PCDHGA1: variants seen among roughly 807,000 people sequenced by gnomAD.
PCDHGA1 encodes protocadherin gamma subfamily A, 1.
In PCDHGA1, 32 loss-of-function variants were observed where a neutral mutation model predicts 58.0. That is an observed-to-expected ratio of 0.55 (90% CI 0.42 to 0.74). The LOEUF is 0.74. Among genes scored for constraint, PCDHGA1 ranks in the 30% least tolerant of loss-of-function variants. PCDHGA1 has a pLI of 0.00. For missense variants in PCDHGA1, 1,205 were observed against 1,182.3 expected (o/e 1.02, Z -0.28); for synonymous variants, 498 against 501.1 (o/e 0.99, Z 0.08).
intron 1 of PCDHGA1, chr5:141,355,705 G>A (rs752821491): frequency 1.2e-6 from 2 of 1,613,940 alleles, no homozygotes; most frequent in Non-Finnish European, 1.7e-6. Flanking sequence ...CTCCCTGCAG[G>A]GTTACCAGCT....
intron 1 of PCDHGA1, among the ~76,000 whole-genome samples, chr5:141,494,568 C>T (rs2099755322): frequency 6.6e-6 from 1 of 152,138 alleles, no homozygotes; most frequent in African/African-American, 2.4e-5. Context: ...GGAAAGGAGT[C>T]TCAGCTTGCT....
intron 1 of PCDHGA1, chr5:141,365,501 C>T (rs1377875429): frequency 6.2e-7 from 1 of 1,613,806 alleles, no homozygotes; most frequent in African/African-American, 1.3e-5. Flanking sequence ...TAGGAATTTG[C>T]CTTTTAAATT....
chr5:141,410,909 A>G lies in PCDHGA1; in HGVS notation c.2421+77804A>G, dbSNP rs183334545. Reference sequence around the variant, plus strand: ...CGCACTGTTGCCTAGGCTGGAGTGCAGTGGCGTGATCTCTGCTCACTGCAA... The same window carrying G: ...CGCACTGTTGCCTAGGCTGGAGTGCGGTGGCGTGATCTCTGCTCACTGCAA... On this transcript the variant is annotated intron_variant, in intron 1 of 3. Coordinates refer to ENST00000517417, the MANE Select transcript of PCDHGA1 (RefSeq NM_018912.3). 188 of 259,978 alleles carry G rather than the reference A, an allele frequency of 7.2e-4. 1 individual carries two copies. Among genetic ancestry groups the G allele is most frequent in the African/African-American group, 5.3e-3 (172 of 32,394 alleles). The allele number at this position is 259,978 out of a possible 1,614,324, so 16.1% of individuals were successfully genotyped here.
chr5:141,459,757 G>A (rs1360124889), intron 1 of PCDHGA1, among the ~76,000 whole-genome samples: 3 of 152,162 alleles, frequency 2.0e-5, no homozygotes, highest in Admixed American at 2.0e-4. Context: ...ATTCTAGTGG[G>A]TGTGTGATAC....
At chr5:141,483,186 A>G (rs2099578047) in intron 1 of PCDHGA1, among the ~76,000 whole-genome samples, 1 of 152,174 alleles carries the variant, frequency 6.6e-6, no homozygotes, top group Non-Finnish European at 1.5e-5. Flanking sequence ...CAAGCCAAGG[A>G]GTTTTTATTT....
chr5:141,441,665 A>C (rs994092543), intron 1 of PCDHGA1: 10 of 265,838 alleles, frequency 3.8e-5, no homozygotes, highest in African/African-American at 2.1e-4. Context: ...CCTTGAGCGC[A>C]CAGTGCGCCT....
chr5:141,497,413 T>A (rs572922456), intron 2 of PCDHGA1, among the ~76,000 whole-genome samples: 1 of 151,928 alleles, frequency 6.6e-6, no homozygotes, highest in African/African-American at 2.4e-5. Context: ...TCCCATTCCA[T>A]CAAATGAGAG....
In PCDHGA1 at chr5:141,487,605, A is replaced by G. The variant is rs202066746; in HGVS notation, c.2422-7202A>G. Reference sequence around the variant, plus strand: ...AGCTGCCCACCCTCTGATCTTCTCTATGGGCTAGAGGTGAGACCTTTGCAG... The same window carrying G: ...AGCTGCCCACCCTCTGATCTTCTCTGTGGGCTAGAGGTGAGACCTTTGCAG... On this transcript the variant is annotated intron_variant, in intron 1 of 3. Transcript: ENST00000517417. The surrounding 1 kb of genome is among the most constrained non-coding windows in gnomAD (Gnocchi z 5.0). 8.7e-6 allele frequency: 14 copies of G among 1,614,008 alleles called. No individual in the cohort carries two copies. In the South Asian group the frequency reaches 8.8e-5, roughly 10 times the overall value.
intron 1 of PCDHGA1, chr5:141,388,885 A>G (rs1359019533): frequency 1.9e-6 from 3 of 1,614,002 alleles, no homozygotes; most frequent in East Asian, 2.2e-5. Context: ...GTGGAGGTAG[A>G]AGTCATAGAT....
intron 1 of PCDHGA1, chr5:141,340,320 C>T (rs1314328695): frequency 6.2e-7 from 1 of 1,614,014 alleles, no homozygotes; most frequent in Non-Finnish European, 8.5e-7. Context: ...GACAACGCAC[C>T]CGCCTTCTCC....
In PCDHGA1 at chr5:141,385,336, C is replaced by T. The variant is rs866774654; in HGVS notation, c.2421+52231C>T. 2.5e-6 allele frequency: 4 copies of T among 1,579,494 alleles called. No homozygotes were observed. In the African/African-American group the frequency reaches 5.4e-5, roughly 22 times the overall value. ...GCCAAGTATTCAGGTGAGCCCAGCC[C>T]TTCCTTTATTTCCATGAGGAATTTA... On this transcript the variant is annotated intron_variant, in intron 1 of 3. Coordinates refer to ENST00000517417, the MANE Select transcript of PCDHGA1 (RefSeq NM_018912.3).
chr5:141,345,604 AATT>A, intron 1 of PCDHGA1: 1 of 1,614,156 alleles, frequency 6.2e-7, no homozygotes, highest in Non-Finnish European at 8.5e-7. Context: ...GACTACGAGC[AATT>A]TAGAGACTTA....
At chr5:141,376,285 C>A in intron 1 of PCDHGA1, 2 of 1,614,230 alleles carry the variant, frequency 1.2e-6, no homozygotes, top group Non-Finnish European at 1.7e-6. Context: ...GCTTAGCGAG[C>A]ATGCCCGGCT....
intron 2 of PCDHGA1, among the ~76,000 whole-genome samples, chr5:141,500,469 A>G (rs917974103): frequency 1.3e-5 from 2 of 152,052 alleles, no homozygotes; most frequent in East Asian, 1.9e-4. Context: ...TCGGCCTCCC[A>G]AAGTGCTGGG....
In PCDHGA1 at chr5:141,486,819, T is replaced by TG; in HGVS notation, c.2422-7988_2422-7987insG. 6.2e-7 allele frequency: 1 copy of TG among 1,614,212 alleles called. No homozygotes were observed. Among genetic ancestry groups the TG allele is most frequent in the Non-Finnish European group, 8.5e-7 (1 of 1,180,034 alleles). On this transcript the variant is annotated intron_variant, in intron 1 of 3. Coordinates refer to ENST00000517417, the MANE Select transcript of PCDHGA1 (RefSeq NM_018912.3). The surrounding 1 kb of genome is among the most constrained non-coding windows in gnomAD (Gnocchi z 5.0). ...GGCAACCCACCCCTTAGCAGCACTG[T>TG]AACAGTTCGTCTATTTGTGCTGGAC...
chr5:141,373,423 T>G (rs992122154), intron 1 of PCDHGA1, among the ~76,000 whole-genome samples: 1 of 152,214 alleles, frequency 6.6e-6, no homozygotes, highest in Non-Finnish European at 1.5e-5. Flanking sequence ...CTCGGGAGGC[T>G]GAGGTGGGAG....
intron 1 of PCDHGA1, among the ~76,000 whole-genome samples, chr5:141,335,823 G>A (rs1486162510): frequency 6.6e-6 from 1 of 151,924 alleles, no homozygotes. Context: ...AAGGGAAAAA[G>A]TTTGGATATT....
chr5:141,370,988 A>G (rs760427095), intron 1 of PCDHGA1: 1 of 1,613,750 alleles, frequency 6.2e-7, no homozygotes, highest in African/African-American at 1.3e-5. Flanking sequence ...TACTGAAAGC[A>G]CCCCTGGACA....
At chr5:141,376,159 C>T (rs1772345017) in intron 1 of PCDHGA1, 2 of 1,614,084 alleles carry the variant, frequency 1.2e-6, no homozygotes, top group Non-Finnish European at 8.5e-7. Context: ...TCACTCTGTA[C>T]CTGGTGGTGG....
Sources: allele counts gnomAD v4.1 joint callset (sites outside exome capture counted in the v4.1 genomes callset), GRCh38; gene constraint gnomAD v4.1.1; non-coding constraint Gnocchi (gnomAD v3.1); transcripts MANE v1.5; gene names NCBI Gene and HGNC (gene_info 2026-07-23, HGNC 2026-07-21).